The following RPL28 variants were observed in gnomAD, a reference collection of about 807,000 sequenced individuals.
RPL28 encodes large ribosomal subunit protein eL28.
RPL28 carries 4 observed loss-of-function variants against 12.5 expected under a neutral mutation model. That is an observed-to-expected ratio of 0.32 (90% CI 0.16 to 0.73). The LOEUF is 0.73. Among genes scored for constraint, RPL28 ranks in the 30% least tolerant of loss-of-function variants. The pLI, the probability that RPL28 is intolerant of heterozygous loss-of-function variation, is 0.66. For missense variants in RPL28, 214 were observed against 197.7 expected (o/e 1.08, Z -0.49); for synonymous variants, 91 against 72.5 (o/e 1.26, Z -1.30).
intron 4 of RPL28, chr19:55,401,165 A>C (rs2090054709): frequency 1.9e-6 from 1 of 520,976 alleles, no homozygotes; most frequent in Non-Finnish European, 3.4e-6. Flanking sequence ...AGCTAGATGG[A>C]CCCACTGCTG....
Position 55,390,612 on chromosome 19 carries a change from C to G in RPL28, c.*2280C>G. ...GGAGTCCTGCTGGCTTTCTCCATCC[C>G]TATCTGAATCCTCCCTGCTGTGTGG... On this transcript the variant is annotated 3_prime_UTR_variant, in exon 5 of 5. Transcript: ENST00000344063. 1.0e-6 allele frequency: 1 copy of G among 985,718 alleles called. No homozygotes were observed. The highest frequency in any genetic ancestry group is 1.2e-6 in the Non-Finnish European group (1 of 830,132). The allele number at this position is 985,718 out of a possible 1,614,324, so 61.1% of individuals were successfully genotyped here.
At position 55,388,674 on chromosome 19, in the gene RPL28, G is replaced by A. The variant is rs868631968; in HGVS notation, c.*342G>A. Reference sequence around the variant, plus strand: ...TTCAGAAGAAGAAAGGCCTTTTCTAGCCCAGAAGGGTGCAGGCTGAGGGCT... The same window carrying A: ...TTCAGAAGAAGAAAGGCCTTTTCTAACCCAGAAGGGTGCAGGCTGAGGGCT... On this transcript the variant is annotated 3_prime_UTR_variant, in exon 5 of 5. Coordinates refer to ENST00000344063, the MANE Select transcript of RPL28 (RefSeq NM_000991.5). The A allele has an allele frequency of 2.7e-5, 30 of 1,096,572 alleles. No homozygotes were observed. Among genetic ancestry groups the A allele is most frequent in the Non-Finnish European group, 3.0e-5 (27 of 902,102 alleles). 67.9% of individuals were successfully genotyped at this position (1,096,572 alleles called of 1,614,324 possible). A position where few individuals can be genotyped will look rare whatever the true frequency, so the allele number is the denominator to read the frequency against.
Position 55,388,225 on chromosome 19 carries a change from C to T in RPL28, c.325-18C>T, listed in dbSNP as rs2089954774. 1 of 1,520,256 alleles carries T rather than the reference C, an allele frequency of 6.6e-7. No homozygotes were observed. The highest frequency in any genetic ancestry group is 1.4e-5 in the African/African-American group (1 of 71,884). The allele number at this position is 1,520,256 out of a possible 1,614,324, so 94.2% of individuals were successfully genotyped here. On this transcript the variant is annotated intron_variant, in intron 4 of 4. Transcript: ENST00000344063. The stretch of plus-strand genomic sequence containing the variant: ...TGGAGTGTATGGGCTGAGCCTTGCT[C>T]TGCTCCCCCGCCCCCAGGCAGCCAT...
chr19:55,387,513 A>G, intron 3 of RPL28: 4 of 1,444,378 alleles, frequency 2.8e-6, no homozygotes, highest in Non-Finnish European at 3.6e-6. Context: ...AGACTAAGGG[A>G]CTGGCCTGAG....
At position 55,391,445 on chromosome 19, in the gene RPL28, G is replaced by T; in HGVS notation, c.*3113G>T. The T allele has an allele frequency of 7.4e-7, 1 of 1,345,812 alleles. No homozygotes were observed. Among genetic ancestry groups the T allele is most frequent in the Non-Finnish European group, 9.6e-7 (1 of 1,041,218 alleles). The allele number at this position is 1,345,812 out of a possible 1,614,324, so 83.4% of individuals were successfully genotyped here. A position where few individuals can be genotyped will look rare whatever the true frequency, so the allele number is the denominator to read the frequency against. On this transcript the variant is annotated 3_prime_UTR_variant, in exon 5 of 5. Transcript: ENST00000344063. ...TCCAGTAGCTGCATGGTGAGTGAGC[G>T]TAGGGCGCACCCTGGAAGGCTGCCA...
At position 55,389,346 on chromosome 19, in the gene RPL28, A is replaced by G. The variant is rs1485471267; in HGVS notation, c.*1014A>G. ...ACTACACTCCAGCCTGGAAGACACC[A>G]TGACACACAGTGAGGCCTGGATGGG... On this transcript the variant is annotated 3_prime_UTR_variant, in exon 5 of 5. Coordinates refer to ENST00000344063, the MANE Select transcript of RPL28 (RefSeq NM_000991.5). 121 of 887,346 alleles carry G rather than the reference A, an allele frequency of 1.4e-4. No individual in the cohort carries two copies. Among genetic ancestry groups the G allele is most frequent in the Non-Finnish European group, 1.5e-4 (116 of 778,582 alleles). The allele number at this position is 887,346 out of a possible 1,614,324, so 55.0% of individuals were successfully genotyped here.
At chr19:55,396,791 A>G (rs958668481), downstream of RPL28, among the ~76,000 whole-genome samples, 9 of 150,344 alleles carry the variant, frequency 6.0e-5, no homozygotes, top group South Asian at 2.1e-4. Flanking sequence ...CGTGTTAGCC[A>G]GGATGTTCTC....
At chr19:55,398,761 G>A (rs988027381) in intron 4 of RPL28, among the ~76,000 whole-genome samples, 3 of 152,146 alleles carry the variant, frequency 2.0e-5, no homozygotes, top group African/African-American at 4.8e-5. Context: ...GAGTGCGGTG[G>A]TGCAATCTCG....
downstream of RPL28, among the ~76,000 whole-genome samples, chr19:55,393,253 C>G (rs1313516401): frequency 1.5e-5 from 2 of 129,198 alleles, no homozygotes; most frequent in South Asian, 2.9e-4. Context: ...CACCCCCCCC[C>G]CCCCCCGACC....
rs1164119854 is a variant in RPL28 at position 55,387,076 on chromosome 19, G to T, written c.205+383G>T. ...GAGGGGCCCTCGCTACCACACTTAG[G>T]AGGGGACAGGCTGGGTTGGTTGCAG... On this transcript the variant is annotated intron_variant, in intron 3 of 4. Coordinates refer to ENST00000344063, the MANE Select transcript of RPL28 (RefSeq NM_000991.5). 12 of 1,424,304 alleles carry T rather than the reference G, an allele frequency of 8.4e-6. No individual in the cohort carries two copies. The African/African-American group carries it at 1.3e-4, about 15-fold the overall frequency. The allele number at this position is 1,424,304 out of a possible 1,614,324, so 88.2% of individuals were successfully genotyped here.
At chr19:55,392,160 CAG>C, downstream of RPL28, 1 of 976,774 alleles carries the variant, frequency 1.0e-6, no homozygotes, top group Non-Finnish European at 1.2e-6. Flanking sequence ...AAGAAAATCT[CAG>C]AATCCCAGCC....
In RPL28 at chr19:55,388,436, A is replaced by G; in HGVS notation, c.*104A>G. The G allele has an allele frequency of 7.3e-7, 1 of 1,368,230 alleles. No individual in the cohort carries two copies. Among genetic ancestry groups the G allele is most frequent in the Non-Finnish European group, 9.5e-7 (1 of 1,055,490 alleles). 84.8% of individuals were successfully genotyped at this position (1,368,230 alleles called of 1,614,324 possible). Reference sequence around the variant, plus strand: ...GGGAGCTCTGGCCCTGTGTGTTGTCATTCAGGCCATGTCATCAAAACTCTG... The same window carrying G: ...GGGAGCTCTGGCCCTGTGTGTTGTCGTTCAGGCCATGTCATCAAAACTCTG... On this transcript the variant is annotated 3_prime_UTR_variant, in exon 5 of 5. Transcript: ENST00000344063.
At position 55,391,835 on chromosome 19, in the gene RPL28, A is replaced by T; in HGVS notation, c.*3503A>T. 7.1e-7 allele frequency: 1 copy of T among 1,403,676 alleles called. No individual in the cohort carries two copies. The highest frequency in any genetic ancestry group is 9.4e-7 in the Non-Finnish European group (1 of 1,068,288). The allele number at this position is 1,403,676 out of a possible 1,614,324, so 87.0% of individuals were successfully genotyped here. On this transcript the variant is annotated 3_prime_UTR_variant, in exon 5 of 5. Transcript: ENST00000344063. Reference sequence around the variant, plus strand: ...CATGCCTATGACTAATTTGTACACAAACTAATGCTCGTGTTTCCCAAGCAC... The same window carrying T: ...CATGCCTATGACTAATTTGTACACATACTAATGCTCGTGTTTCCCAAGCAC...
At chr19:55,395,930 A>G (rs536802461), downstream of RPL28, among the ~76,000 whole-genome samples, 9 of 152,294 alleles carry the variant, frequency 5.9e-5, no homozygotes, top group African/African-American at 2.2e-4. Flanking sequence ...CGGCTTCCTT[A>G]CATGACTGGT....
Position 55,388,735 on chromosome 19 carries a change from G to A in RPL28, c.*403G>A. 9.8e-7 allele frequency: 1 copy of A among 1,021,308 alleles called. No homozygotes were observed. The highest frequency in any genetic ancestry group is 1.2e-6 in the Non-Finnish European group (1 of 854,228). 63.3% of individuals were successfully genotyped at this position (1,021,308 alleles called of 1,614,324 possible). On this transcript the variant is annotated 3_prime_UTR_variant, in exon 5 of 5. Transcript: ENST00000344063. ...CCCTGGTGCTGTAGCACGGTTTGGG[G>A]ACTTGGGGTGTTCCCAAGACCTGGG...
downstream of RPL28, among the ~76,000 whole-genome samples, chr19:55,392,825 G>C (rs144883450): frequency 6.6e-6 from 1 of 151,998 alleles, no homozygotes; most frequent in Admixed American, 6.5e-5. Context: ...CACCGCGTCC[G>C]GCCCCAGCCT....
intron 4 of RPL28, chr19:55,401,558 C>T (rs755484248): frequency 6.2e-7 from 1 of 1,610,460 alleles, no homozygotes; most frequent in South Asian, 1.1e-5. Context: ...CCTGGGGCCC[C>T]AGGGTCGGTG....
At position 55,385,938 on chromosome 19, in the gene RPL28, C is replaced by T. The variant is rs1194080525; in HGVS notation, c.-36C>T. The stretch of plus-strand genomic sequence containing the variant: ...CGCCTCGCCCCTCGCCTTCCTCTTT[C>T]CGTCTCAGGTCGCCGCTGCGAAGGG... On this transcript the variant is annotated 5_prime_UTR_variant, in exon 1 of 5. Coordinates refer to ENST00000344063, the MANE Select transcript of RPL28 (RefSeq NM_000991.5). 1.7e-5 allele frequency: 4 copies of T among 235,336 alleles called. No individual in the cohort carries two copies. The highest frequency in any genetic ancestry group is 4.5e-5 in the African/African-American group (2 of 44,728). The allele number at this position is 235,336 out of a possible 1,614,324, so 14.6% of individuals were successfully genotyped here. A position where few individuals can be genotyped will look rare whatever the true frequency, so the allele number is the denominator to read the frequency against.
At position 55,389,289 on chromosome 19, in the gene RPL28, T is replaced by C. The variant is rs1374741773; in HGVS notation, c.*957T>C. ...GTGAGCGGAGCACTTGAGCCAAGAGTATGAGGCTGCAGTGAGCCCATGAGC... is the reference window on the plus strand; with the variant it reads ...GTGAGCGGAGCACTTGAGCCAAGAGCATGAGGCTGCAGTGAGCCCATGAGC... On this transcript the variant is annotated 3_prime_UTR_variant, in exon 5 of 5. Transcript: ENST00000344063. The C allele has an allele frequency of 2.3e-5, 22 of 947,746 alleles. No homozygotes were observed. The highest frequency in any genetic ancestry group is 2.8e-5 in the Non-Finnish European group (22 of 795,740). The allele number at this position is 947,746 out of a possible 1,614,324, so 58.7% of individuals were successfully genotyped here.
Sources: gnomAD v4.1 joint callset for allele counts (sites outside exome capture counted in the v4.1 genomes callset) on GRCh38, gnomAD v4.1.1 for gene constraint, MANE v1.5 for transcripts, NCBI Gene and HGNC (gene_info 2026-07-23, HGNC 2026-07-21) for gene names.